The following ARHGAP31 variants were observed in gnomAD, a reference collection of about 807,000 sequenced individuals.
ARHGAP31 encodes the protein rho GTPase-activating protein 31.
ARHGAP31 carries 34 observed loss-of-function variants against 113.9 expected under a neutral mutation model. That is an observed-to-expected ratio of 0.30 (90% CI 0.23 to 0.40). The LOEUF is 0.40. Among genes scored for constraint, ARHGAP31 ranks in the 10% least tolerant of loss-of-function variants. ARHGAP31 has a pLI of 1.00. For synonymous variants in ARHGAP31, 650 were observed against 684.8 expected, an observed-to-expected ratio of 0.95 and a Z score of 0.79; for missense variants, 1,548 against 1,767.1, an observed-to-expected ratio of 0.88 and a Z score of 2.22.
chr3:119,370,533 G>T (rs1299262698), intron 3 of ARHGAP31, among the ~76,000 whole-genome samples: 1 of 152,172 alleles, frequency 6.6e-6, no homozygotes, highest in Non-Finnish European at 1.5e-5. Flanking sequence ...GCTGTTAACA[G>T]ATCGAACAGA....
Position 119,334,663 on chromosome 3 carries a change from T to G in ARHGAP31, c.101-30653T>G, listed in dbSNP as rs374880475. Among the ~76,000 whole-genome samples, 217 of 152,332 alleles carry G rather than the reference T, an allele frequency of 1.4e-3. 5 individuals carry two copies. The South Asian group carries it at 0.044, about 31-fold the overall frequency. Reference sequence around the variant, plus strand: ...CCATCCCTGGCCAGCAGGGATATGTTCCAGGTTGTAGTCAACCTGACTCTC... The same window carrying G: ...CCATCCCTGGCCAGCAGGGATATGTGCCAGGTTGTAGTCAACCTGACTCTC... On this transcript the variant is annotated intron_variant, in intron 1 of 11. Transcript: ENST00000264245.
intron 1 of ARHGAP31, among the ~76,000 whole-genome samples, chr3:119,351,355 T>C (rs1421578257): frequency 1.3e-5 from 2 of 152,226 alleles, no homozygotes; most frequent in Non-Finnish European, 2.9e-5. Context: ...ATTCTTGGTC[T>C]GTGACTTGGT....
At chr3:119,365,133 G>C (rs970613308) in intron 1 of ARHGAP31, among the ~76,000 whole-genome samples, 183 bp from the exon 2 acceptor site, 2 of 152,100 alleles carry the variant, frequency 1.3e-5, no homozygotes, top group East Asian at 3.9e-4. Flanking sequence ...AAAGCCCTAT[G>C]ATTTTTTTTT....
At position 119,415,035 on chromosome 3, in the gene ARHGAP31, A is replaced by G; in HGVS notation, c.3106A>G (p.Ser1036Gly). The G allele has an allele frequency of 1.2e-6, 2 of 1,614,182 alleles. No individual in the cohort carries two copies. Residue 1036 changes from serine to glycine, a missense_variant, in exon 12 of 12, where the codon AGC becomes GGC. By Grantham distance (56) the Ser-to-Gly change is moderately conservative. Coordinates refer to ENST00000264245, the MANE Select transcript of ARHGAP31 (RefSeq NM_020754.4). ...SGVQPNPAET[S>G]PISLAEGKEL... Reference sequence around the variant, plus strand: ...TGTGCAACCCAACCCAGCAGAAACCAGCCCCATCAGCCTAGCAGAGGGAAA... The same window carrying G: ...TGTGCAACCCAACCCAGCAGAAACCGGCCCCATCAGCCTAGCAGAGGGAAA...
intron 3 of ARHGAP31, among the ~76,000 whole-genome samples, chr3:119,373,284 C>A (rs1165082306): frequency 6.6e-6 from 1 of 151,832 alleles, no homozygotes; most frequent in Non-Finnish European, 1.5e-5. Flanking sequence ...CCTCAATAAA[C>A]AAGTAAGCGA....
At chr3:119,317,469 G>T (rs1242315835) in intron 1 of ARHGAP31, among the ~76,000 whole-genome samples, 1 of 152,124 alleles carries the variant, frequency 6.6e-6, no homozygotes, top group East Asian at 1.9e-4. Context: ...GAGTCACTGC[G>T]CCTGGCCACA....
intron 7 of ARHGAP31, 94 bp downstream of exon 7, chr3:119,391,077 T>A: frequency 1.4e-6 from 2 of 1,396,596 alleles, no homozygotes; most frequent in South Asian, 1.2e-5. Flanking sequence ...GATGGCAGTG[T>A]GGGTTGGAGG....
intron 1 of ARHGAP31, among the ~76,000 whole-genome samples, chr3:119,364,466 T>G (rs2107622356): frequency 6.6e-6 from 1 of 152,358 alleles, no homozygotes; most frequent in South Asian, 2.1e-4. Context: ...AAGCAACAAG[T>G]AATCATGAGT....
chr3:119,393,430 G>C, intron 7 of ARHGAP31, 37 bp from the exon 8 acceptor site: 3 of 1,613,316 alleles, frequency 1.9e-6, no homozygotes, highest in African/African-American at 2.7e-5. Flanking sequence ...GAAATGACAA[G>C]TTAACAAACT....
intron 1 of ARHGAP31, among the ~76,000 whole-genome samples, chr3:119,341,492 CA>C (rs1461114484): frequency 6.6e-6 from 1 of 152,000 alleles, no homozygotes; most frequent in East Asian, 1.9e-4. Context: ...GCTAAGGCAC[CA>C]AGAGGTTAAG....
Position 119,399,903 on chromosome 3 carries a change from A to G in ARHGAP31, c.1069+642A>G, listed in dbSNP as rs1316787403. 5.3e-5 allele frequency among the ~76,000 whole-genome samples: 8 copies of G among 152,336 alleles called. No homozygotes were observed. The East Asian group carries it at 1.5e-3, about 29-fold the overall frequency. On this transcript the variant is annotated intron_variant, in intron 9 of 11. Transcript: ENST00000264245. ...AATAACACATAACATTTGTTCTCAC[A>G]GCTGTATCCTTCAGGGCTGACTTGC...
At chr3:119,364,785 T>A (rs776141973) in intron 1 of ARHGAP31, among the ~76,000 whole-genome samples, 158 of 152,158 alleles carry the variant, frequency 1.0e-3, no homozygotes, top group Non-Finnish European at 1.8e-3. Context: ...AATATTTTTT[T>A]AAATTCTTTA....
Position 119,380,918 on chromosome 3 carries a change from T to C in ARHGAP31, c.363T>C (p.His121=), listed in dbSNP as rs374160242. ...CTTCTCCACAGGAGGCAGTGTCGCA[T>C]TGCCCTGAAGAAGGCCAACTGGCCC... ...LYEKFTEAVS[H]CPEEGQLARI... is the part of the protein sequence containing the mutation. Residue 121 remains histidine (H), a synonymous_variant, in exon 4 of 12, where the codon CAT becomes CAC. Transcript: ENST00000264245. 4 of 1,614,156 alleles carry C rather than the reference T, an allele frequency of 2.5e-6. No homozygotes were observed. The highest frequency in any genetic ancestry group is 3.4e-6 in the Non-Finnish European group (4 of 1,179,982).
chr3:119,295,328 G>C (rs781292137), intron 1 of ARHGAP31, among the ~76,000 whole-genome samples: 1 of 151,904 alleles, frequency 6.6e-6, no homozygotes, highest in Non-Finnish European at 1.5e-5. Flanking sequence ...TCCTAAACTT[G>C]GCACGTTGGA....
intron 9 of ARHGAP31, among the ~76,000 whole-genome samples, chr3:119,400,213 C>G (rs1396608009): frequency 1.3e-5 from 2 of 152,134 alleles, no homozygotes; most frequent in Non-Finnish European, 2.9e-5. Flanking sequence ...AGGTGGATCA[C>G]TTGAGGCCAG....
chr3:119,307,073 TA>T (rs747605928), intron 1 of ARHGAP31, among the ~76,000 whole-genome samples: 12 of 151,496 alleles, frequency 7.9e-5, no homozygotes, highest in Non-Finnish European at 1.5e-4. Flanking sequence ...ATAGATCCAG[TA>T]TAGTGAAACC....
At chr3:119,325,954 G>C (rs1318794681) in intron 1 of ARHGAP31, among the ~76,000 whole-genome samples, 3 of 152,170 alleles carry the variant, frequency 2.0e-5, no homozygotes, top group African/African-American at 7.2e-5. Context: ...ATTTTGGGAG[G>C]CTGAGGCGGG....
chr3:119,299,321 ATGTT>A, intron 1 of ARHGAP31, among the ~76,000 whole-genome samples: 1 of 152,382 alleles, frequency 6.6e-6, no homozygotes, highest in African/African-American at 2.4e-5. Context: ...CACCTTCTGA[ATGTT>A]TGGTAAGAAC....
At chr3:119,337,359 C>T (rs1290457891) in intron 1 of ARHGAP31, among the ~76,000 whole-genome samples, 1 of 152,100 alleles carries the variant, frequency 6.6e-6, no homozygotes, top group African/African-American at 2.4e-5. Context: ...CTCCCGGTGG[C>T]TTCATGCTCT....
Sources: allele counts gnomAD v4.1 joint callset (sites outside exome capture counted in the v4.1 genomes callset), GRCh38; gene constraint gnomAD v4.1.1; transcripts MANE v1.5; gene names NCBI Gene and HGNC (gene_info 2026-07-23, HGNC 2026-07-21).